Variants in NCK2 observed in about 807,000 individuals in gnomAD.
The protein encoded by NCK2 is cytoplasmic protein NCK2.
In NCK2, 16 loss-of-function variants were observed where a neutral mutation model predicts 33.9. The observed-to-expected ratio is 0.47, with a 90% CI of 0.32 to 0.72. NCK2 has a LOEUF of 0.72. Ranked by LOEUF, NCK2 falls within the 30% of genes least tolerant of loss-of-function variation. The probability of loss-of-function intolerance (pLI) is 0.03; values close to 1 mark genes in which losing one functional copy is unlikely to be tolerated. For missense variants in NCK2, 418 were observed against 537.3 expected, an observed-to-expected ratio of 0.78 and a Z score of 2.19; for synonymous variants, 273 against 239.9, an observed-to-expected ratio of 1.14 and a Z score of -1.27.
At chr2:105,785,157 T>G (rs539501900) in intron 1 of NCK2, among the ~76,000 whole-genome samples, 1 of 152,272 alleles carries the variant, frequency 6.6e-6, no homozygotes, top group African/African-American at 2.4e-5. Flanking sequence ...TTTTTGTATT[T>G]TTAGTAGAGA....
At chr2:105,816,036 C>T (rs35034760) in intron 1 of NCK2, among the ~76,000 whole-genome samples, 35,951 of 150,112 alleles carry the variant, frequency 0.24, 4,430 homozygotes, top group East Asian at 0.33. Flanking sequence ...ACCCGAGTGT[C>T]GGAGCTTGCC....
chr2:105,836,604 C>T (rs13429270), intron 2 of NCK2, among the ~76,000 whole-genome samples: 47,385 of 152,028 alleles, frequency 0.31, 7,857 homozygotes, highest in South Asian at 0.41. Flanking sequence ...TGTGCATTGG[C>T]TCCCTTTGTT....
intron 2 of NCK2, among the ~76,000 whole-genome samples, chr2:105,827,340 T>A (rs751050312): frequency 3.9e-4 from 59 of 152,134 alleles, no homozygotes; most frequent in Non-Finnish European, 6.2e-4. Context: ...ACAACAGAGC[T>A]GTGAAATAAG....
chr2:105,797,682 G>A (rs981133718), intron 1 of NCK2, among the ~76,000 whole-genome samples: 3 of 152,154 alleles, frequency 2.0e-5, no homozygotes, highest in Non-Finnish European at 2.9e-5. Context: ...ACTGTGTGGA[G>A]CCTCCCTGTT....
At chr2:105,835,025 A>T (rs1249987714) in intron 2 of NCK2, among the ~76,000 whole-genome samples, 2 of 151,986 alleles carry the variant, frequency 1.3e-5, no homozygotes, top group African/African-American at 4.8e-5. Context: ...TCTTGTAACT[A>T]TGTTAAGTAT....
intron 1 of NCK2, chr2:105,745,751 C>G (rs1382381973): frequency 6.6e-6 from 1 of 152,254 alleles, no homozygotes; most frequent in Non-Finnish European, 1.5e-5. Context: ...TGCCCGGCTT[C>G]AGGCTCTGCG....
intron 2 of NCK2, among the ~76,000 whole-genome samples, chr2:105,833,964 G>A (rs2104529640): frequency 6.6e-6 from 1 of 152,206 alleles, no homozygotes; most frequent in South Asian, 2.1e-4. Flanking sequence ...AATTTCCAAA[G>A]TTGTTATTGA....
In NCK2 at chr2:105,764,356, C is replaced by G. The variant is rs1316358518; in HGVS notation, c.-201+19218C>G. On this transcript the variant is annotated intron_variant, in intron 1 of 4. Coordinates refer to ENST00000233154, the MANE Select transcript of NCK2 (RefSeq NM_003581.5). ...CCCACAGCTCGAGTGGAAATGCTTC[C>G]TTCTGCAGGGCTGTCTGAGCTCCAC... Among the ~76,000 whole-genome samples the G allele has an allele frequency of 3.3e-5, 5 of 152,342 alleles. No homozygotes were observed. The East Asian group carries it at 9.6e-4, about 29-fold the overall frequency.
intron 1 of NCK2, among the ~76,000 whole-genome samples, chr2:105,797,320 A>C (rs1215526103): frequency 6.6e-6 from 1 of 151,984 alleles, no homozygotes; most frequent in African/African-American, 2.4e-5. Context: ...GGAAATAACC[A>C]ATTTGTGCTA....
At chr2:105,826,526 A>T (rs1224235874) in intron 2 of NCK2, among the ~76,000 whole-genome samples, 3 of 152,188 alleles carry the variant, frequency 2.0e-5, no homozygotes, top group African/African-American at 7.2e-5. Context: ...ACTTATATAT[A>T]GATTACCTGA....
intron 1 of NCK2, among the ~76,000 whole-genome samples, chr2:105,757,578 C>G (rs1689633735): frequency 6.6e-6 from 1 of 152,156 alleles, no homozygotes. Context: ...ATAGGACCAG[C>G]CATGGGCCAG....
intron 1 of NCK2, among the ~76,000 whole-genome samples, chr2:105,767,998 C>T (rs1345248594): frequency 6.6e-6 from 1 of 152,144 alleles, no homozygotes; most frequent in Non-Finnish European, 1.5e-5. Flanking sequence ...CTTGTGTTTT[C>T]AGAAATGAAG....
chr2:105,863,983 G>A (rs1361041366), intron 3 of NCK2, among the ~76,000 whole-genome samples: 1 of 144,720 alleles, frequency 6.9e-6, no homozygotes, highest in Non-Finnish European at 1.6e-5. Context: ...GGGGGGTGGG[G>A]TCTCACTTGA....
chr2:105,805,433 A>G (rs1674995423), intron 1 of NCK2, among the ~76,000 whole-genome samples: 1 of 152,210 alleles, frequency 6.6e-6, no homozygotes, highest in Non-Finnish European at 1.5e-5. Context: ...TGATAGTAAA[A>G]TTTCTATTTA....
chr2:105,840,332 A>G (rs554597316), intron 2 of NCK2, among the ~76,000 whole-genome samples: 3 of 152,296 alleles, frequency 2.0e-5, no homozygotes, highest in Admixed American at 2.0e-4. Flanking sequence ...CGTGGGACAC[A>G]TGGAGATGTT....
intron 1 of NCK2, among the ~76,000 whole-genome samples, chr2:105,793,249 A>G (rs1438485323): frequency 6.6e-6 from 1 of 151,468 alleles, no homozygotes; most frequent in African/African-American, 2.5e-5. Flanking sequence ...ACTTCTGGAA[A>G]CCAGAGTGCT....
In NCK2 at chr2:105,860,568, TG is replaced by T. The variant is rs758845993; in HGVS notation, c.226+5283del. ...GAGCGAGCATGTAGTCAGAACCGCA[TG>T]GGGAGGCCTTACTGGGCTGTGCACA... On this transcript the variant is annotated intron_variant, in intron 3 of 4. Coordinates refer to ENST00000233154, the MANE Select transcript of NCK2 (RefSeq NM_003581.5). Among the ~76,000 whole-genome samples, 5 of 152,176 alleles carry T rather than the reference TG, an allele frequency of 3.3e-5. No homozygotes were observed. In the South Asian group the frequency reaches 1.0e-3, roughly 32 times the overall value.
intron 1 of NCK2, among the ~76,000 whole-genome samples, chr2:105,774,508 C>A (rs1690241393): frequency 6.6e-6 from 1 of 152,060 alleles, no homozygotes; most frequent in African/African-American, 2.4e-5. Flanking sequence ...ACCCCTTGGG[C>A]CCTGGTGTGT....
chr2:105,752,928 T>C (rs1043322460), intron 1 of NCK2, among the ~76,000 whole-genome samples: 7 of 152,064 alleles, frequency 4.6e-5, no homozygotes, highest in African/African-American at 1.7e-4. Context: ...ACACACACAT[T>C]GTAATCACTG....
Sources: allele counts gnomAD v4.1 joint callset (sites outside exome capture counted in the v4.1 genomes callset), GRCh38; gene constraint gnomAD v4.1.1; transcripts MANE v1.5; gene names NCBI Gene and HGNC (gene_info 2026-07-23, HGNC 2026-07-21).